Variants in CC2D2A observed in about 807,000 individuals in gnomAD.
CC2D2A encodes coiled-coil and C2 domain-containing protein 2A.
In CC2D2A, 155 loss-of-function variants were observed where a neutral mutation model predicts 212.9. That is an observed-to-expected ratio of 0.73 (90% CI 0.64 to 0.83). The LOEUF (loss-of-function observed/expected upper bound fraction) is 0.83. CC2D2A is among the 40% of genes least tolerant of loss of function. CC2D2A has a pLI of 0.00. For synonymous variants in CC2D2A, 667 were observed against 686.5 expected, an observed-to-expected ratio of 0.97 and a Z score of 0.44; for missense variants, 1,856 against 1,956.2, an observed-to-expected ratio of 0.95 and a Z score of 0.97.
chr4:15,502,680 A>G, intron 5 of CC2D2A, 142 bp from the exon 6 acceptor site: 2 of 999,880 alleles, frequency 2.0e-6, no homozygotes, highest in Non-Finnish European at 3.0e-6. Context: ...ACAGATGAAA[A>G]TTATGCTTCA....
chr4:15,565,398 G>GT (rs1719836425), intron 24 of CC2D2A, among the ~76,000 whole-genome samples: 2 of 102,594 alleles, frequency 1.9e-5, no homozygotes, highest in African/African-American at 3.3e-5. Flanking sequence ...ATCCACATAC[G>GT]GTTTTTTTTT....
intron 16 of CC2D2A, among the ~76,000 whole-genome samples, chr4:15,539,802 T>A (rs530805185): frequency 6.6e-6 from 1 of 152,326 alleles, no homozygotes; most frequent in African/African-American, 2.4e-5. Flanking sequence ...GGAGTCTAAG[T>A]CTTCAGTGTC....
chr4:15,590,491 G>A (rs1721053965), intron 33 of CC2D2A, among the ~76,000 whole-genome samples: 1 of 152,110 alleles, frequency 6.6e-6, no homozygotes, highest in African/African-American at 2.4e-5. Context: ...TTCCATCCTG[G>A]GCAACAGAGC....
chr4:15,534,150 G>T (rs1293191958), intron 14 of CC2D2A, among the ~76,000 whole-genome samples: 1 of 152,040 alleles, frequency 6.6e-6, no homozygotes, highest in African/African-American at 2.4e-5. Flanking sequence ...TCAAGGCTTT[G>T]GTCACTTTTT....
intron 11 of CC2D2A, among the ~76,000 whole-genome samples, chr4:15,522,128 G>A (rs1320461248): frequency 6.6e-6 from 1 of 152,182 alleles, no homozygotes; most frequent in African/African-American, 2.4e-5. Flanking sequence ...TTGAGCCCAG[G>A]AGCTCAAGGT....
Position 15,527,650 on chromosome 4 carries a change from T to A in CC2D2A, c.1353T>A (p.Thr451=). ...RHQRNKAKFL[T]DKLQALRNAV... Reference sequence around the variant, plus strand: ...AGAGAAACAAGGCGAAATTTCTTACTGATAAGGTACATGTGATTTCTTCCA... The same window carrying A: ...AGAGAAACAAGGCGAAATTTCTTACAGATAAGGTACATGTGATTTCTTCCA... The change falls in exon 12 of 37, where the codon ACT becomes ACA. Residue 451 remains threonine (T), a synonymous_variant. Transcript: ENST00000424120. The A allele has an allele frequency of 1.2e-6, 2 of 1,602,650 alleles. No individual in the cohort carries two copies. The highest frequency in any genetic ancestry group is 1.7e-6 in the Non-Finnish European group (2 of 1,173,852).
intron 33 of CC2D2A, among the ~76,000 whole-genome samples, chr4:15,590,465 A>T (rs990583276): frequency 6.6e-6 from 1 of 152,196 alleles, no homozygotes; most frequent in African/African-American, 2.4e-5. Flanking sequence ...CAACGAGCTG[A>T]GATGGAGCCA....
intron 17 of CC2D2A, among the ~76,000 whole-genome samples, chr4:15,547,540 A>G (rs918080994): frequency 1.3e-5 from 2 of 152,126 alleles, no homozygotes; most frequent in Admixed American, 6.5e-5. Context: ...GCTCCCACAT[A>G]TGAGTGAGAG....
intron 4 of CC2D2A, among the ~76,000 whole-genome samples, chr4:15,501,529 A>C (rs1236781702): frequency 2.0e-5 from 3 of 152,150 alleles, no homozygotes; most frequent in South Asian, 2.1e-4. Flanking sequence ...ACTTGATCCC[A>C]AAATCCTTCT....
intron 27 of CC2D2A, 148 bp downstream of exon 27, chr4:15,569,537 A>C: frequency 1.7e-6 from 1 of 602,376 alleles, no homozygotes; most frequent in Non-Finnish European, 3.0e-6. Flanking sequence ...GAGCGAGTCC[A>C]CAGTGCAAAG....
chr4:15,559,549 T>C (rs570454992), intron 22 of CC2D2A, among the ~76,000 whole-genome samples: 4 of 152,338 alleles, frequency 2.6e-5, no homozygotes, highest in African/African-American at 7.2e-5. Flanking sequence ...GAATGTTGCA[T>C]TGCGTTACAA....
chr4:15,590,892 T>C (rs1330296223), intron 33 of CC2D2A, among the ~76,000 whole-genome samples: 1 of 151,938 alleles, frequency 6.6e-6, no homozygotes, highest in African/African-American at 2.4e-5. Context: ...ACGTGCCACC[T>C]TGCCTGGCTA....
chr4:15,563,748 G>A (rs915588901), intron 24 of CC2D2A: 15 of 538,766 alleles, frequency 2.8e-5, no homozygotes, highest in Non-Finnish European at 4.6e-5. Flanking sequence ...ACTCGGACAA[G>A]AGGTATAGCT....
At position 15,537,945 on chromosome 4, in the gene CC2D2A, G is replaced by A. The variant is rs1718222970; in HGVS notation, c.1811G>A (p.Gly604Asp). Residue 604 changes from glycine (G) to aspartate (D), a missense_variant, in exon 16 of 37, where the codon GGT becomes GAT. Transcript: ENST00000424120. ...AAACAAGCAGCAGAAGAACATCCCGGTGATGAGATTGCAGAGCCGTATCCC... is the reference window on the plus strand; with the variant it reads ...AAACAAGCAGCAGAAGAACATCCCGATGATGAGATTGCAGAGCCGTATCCC... ...KRKQAAEEHP[G>D]DEIAEPYPEE... is the part of the protein sequence containing the mutation. 1 of 1,609,482 alleles carries A rather than the reference G, an allele frequency of 6.2e-7. No homozygotes were observed. The highest frequency in any genetic ancestry group is 1.3e-5 in the African/African-American group (1 of 74,944).
intron 33 of CC2D2A, among the ~76,000 whole-genome samples, chr4:15,593,105 A>G (rs886972437): frequency 1.3e-5 from 2 of 152,236 alleles, no homozygotes; most frequent in Admixed American, 1.3e-4. Context: ...ACTTTTTGAT[A>G]CACGGATACC....
chr4:15,503,917 GC>G (rs947712119), intron 6 of CC2D2A, among the ~76,000 whole-genome samples: 1 of 152,154 alleles, frequency 6.6e-6, no homozygotes, highest in Non-Finnish European at 1.5e-5. Context: ...AGGAGAGGGA[GC>G]CAGGAAAAGA....
chr4:15,503,663 C>T (rs951613156), intron 6 of CC2D2A, among the ~76,000 whole-genome samples: 2 of 152,054 alleles, frequency 1.3e-5, no homozygotes, highest in African/African-American at 2.4e-5. Context: ...TCAGGAGCCT[C>T]GGTAGTTTTC....
intron 17 of CC2D2A, among the ~76,000 whole-genome samples, chr4:15,548,860 A>T (rs1056844935): frequency 6.6e-6 from 1 of 152,172 alleles, no homozygotes; most frequent in Non-Finnish European, 1.5e-5. Flanking sequence ...GTCACTTATA[A>T]ATTAATAGAG....
chr4:15,488,829 C>T (rs1715148700), intron 4 of CC2D2A, among the ~76,000 whole-genome samples: 1 of 152,250 alleles, frequency 6.6e-6, no homozygotes, highest in Non-Finnish European at 1.5e-5. Flanking sequence ...CCGGAGGTGC[C>T]ACCTCCCTAA....
Sources: allele counts gnomAD v4.1 joint callset (sites outside exome capture counted in the v4.1 genomes callset), GRCh38; gene constraint gnomAD v4.1.1; transcripts MANE v1.5; gene names NCBI Gene and HGNC (gene_info 2026-07-23, HGNC 2026-07-21).